Variants in GALNTL6 observed in about 807,000 individuals in gnomAD.
The protein encoded by GALNTL6 is polypeptide N-acetylgalactosaminyltransferase-like 6.
Under a neutral mutation model 73.7 loss-of-function variants are expected in GALNTL6, and 46 were observed. The observed-to-expected ratio is 0.62, with a 90% CI of 0.49 to 0.80. The LOEUF (loss-of-function observed/expected upper bound fraction) is 0.80, where lower values mean the gene tolerates loss of function less well. Among genes scored for constraint, GALNTL6 ranks in the 30% least tolerant of loss-of-function variants. GALNTL6 has a pLI of 0.00. For synonymous variants in GALNTL6, 259 were observed against 263.7 expected (o/e 0.98, Z 0.17); for missense variants, 604 against 755.0 (o/e 0.80, Z 2.34).
chr4:172,277,057 G>C (rs1738858149), intron 3 of GALNTL6, among the ~76,000 whole-genome samples: 1 of 151,918 alleles, frequency 6.6e-6, no homozygotes, highest in Non-Finnish European at 1.5e-5. Context: ...CTGAATCTCT[G>C]TTTTTGACAC....
At chr4:172,662,588 A>G (rs1008820738) in intron 5 of GALNTL6, among the ~76,000 whole-genome samples, 40 of 152,192 alleles carry the variant, frequency 2.6e-4, no homozygotes, top group African/African-American at 9.7e-4. Context: ...ACTGCATCAT[A>G]CTAAGCCTCT....
chr4:172,648,675 G>A (rs951919829), intron 5 of GALNTL6, among the ~76,000 whole-genome samples: 2 of 152,296 alleles, frequency 1.3e-5, no homozygotes, highest in Admixed American at 6.5e-5. Flanking sequence ...AGGAAGCCAG[G>A]TGTAGCTGTA....
At chr4:172,549,661 C>G (rs1735888612) in intron 5 of GALNTL6, among the ~76,000 whole-genome samples, 1 of 151,656 alleles carries the variant, frequency 6.6e-6, no homozygotes, top group African/African-American at 2.4e-5. Context: ...CCAAAATGTT[C>G]TCTTCACAGT....
chr4:172,248,782 C>T (rs574569315), intron 3 of GALNTL6, among the ~76,000 whole-genome samples: 2 of 152,246 alleles, frequency 1.3e-5, no homozygotes, highest in African/African-American at 4.8e-5. Flanking sequence ...CTTCCCCCTT[C>T]ACTTGGTTCT....
At chr4:171,916,382 C>G (rs535553264) in intron 2 of GALNTL6, among the ~76,000 whole-genome samples, 1 of 152,048 alleles carries the variant, frequency 6.6e-6, no homozygotes, top group Non-Finnish European at 1.5e-5. Context: ...GCTTTCACAG[C>G]TTCATGTTGG....
intron 2 of GALNTL6, among the ~76,000 whole-genome samples, chr4:172,150,240 C>T (rs1034118210): frequency 6.6e-6 from 1 of 152,120 alleles, no homozygotes; most frequent in African/African-American, 2.4e-5. Context: ...TACTCAATGT[C>T]TGCTATAAAT....
At chr4:171,842,165 A>G (rs1412536610) in intron 2 of GALNTL6, among the ~76,000 whole-genome samples, 1 of 152,126 alleles carries the variant, frequency 6.6e-6, no homozygotes, top group Non-Finnish European at 1.5e-5. Context: ...TATCTTACTT[A>G]CATTTGTTAT....
intron 5 of GALNTL6, among the ~76,000 whole-genome samples, chr4:172,536,336 C>T (rs1231990005): frequency 2.0e-5 from 3 of 152,134 alleles, no homozygotes; most frequent in Non-Finnish European, 2.9e-5. Flanking sequence ...AGGTAACAAT[C>T]AGAGGTTGGA....
chr4:172,424,181 A>G lies in GALNTL6; in HGVS notation c.553+75492A>G, dbSNP rs575514584. Among the ~76,000 whole-genome samples the G allele has an allele frequency of 4.5e-4, 68 of 152,226 alleles. 1 individual carries two copies. The South Asian group carries it at 0.014, about 31-fold the overall frequency. Reference sequence around the variant, plus strand: ...CACCACATACTAAGAACATTCAACTATGCACTGAATTTTAACTTGTAAATT... The same window carrying G: ...CACCACATACTAAGAACATTCAACTGTGCACTGAATTTTAACTTGTAAATT... On this transcript the variant is annotated intron_variant, in intron 5 of 12. Transcript: ENST00000506823.
intron 5 of GALNTL6, among the ~76,000 whole-genome samples, chr4:172,721,052 C>T (rs947381652): frequency 2.0e-5 from 3 of 152,140 alleles, no homozygotes; most frequent in South Asian, 2.1e-4. Flanking sequence ...TCTCTATGTT[C>T]GGGAACTATA....
intron 5 of GALNTL6, among the ~76,000 whole-genome samples, chr4:172,708,242 G>C (rs1734482732): frequency 6.6e-6 from 1 of 152,142 alleles, no homozygotes. Flanking sequence ...GAAACGTGGA[G>C]TTTTGCTATG....
At chr4:172,960,448 G>A (rs1217998416) in intron 10 of GALNTL6, among the ~76,000 whole-genome samples, 3 of 152,172 alleles carry the variant, frequency 2.0e-5, no homozygotes, top group African/African-American at 7.2e-5. Flanking sequence ...TTGGGACCTG[G>A]CTCAGCCTGG....
intron 5 of GALNTL6, among the ~76,000 whole-genome samples, chr4:172,693,869 C>A (rs1412437765): frequency 2.9e-4 from 44 of 152,146 alleles, no homozygotes; most frequent in Admixed American, 2.8e-3. Flanking sequence ...AATGATGAAC[C>A]CTCTGTGGCT....
intron 5 of GALNTL6, among the ~76,000 whole-genome samples, chr4:172,719,079 T>C (rs753685239): frequency 6.6e-6 from 1 of 152,196 alleles, no homozygotes; most frequent in Non-Finnish European, 1.5e-5. Context: ...GAGTTACCCT[T>C]GTAGGTTAAT....
intron 5 of GALNTL6, among the ~76,000 whole-genome samples, chr4:172,748,873 A>T: frequency 6.7e-6 from 1 of 148,334 alleles, no homozygotes; most frequent in South Asian, 2.2e-4. Flanking sequence ...ATATACACAT[A>T]TTTTCTTTTG....
At chr4:172,767,374 A>C (rs17058876) in intron 5 of GALNTL6, among the ~76,000 whole-genome samples, 72,898 of 151,966 alleles carry the variant, frequency 0.48, 18,316 homozygotes, top group African/African-American at 0.63. Flanking sequence ...GCAAGCCTTG[A>C]AGAAATAAAA....
intron 2 of GALNTL6, among the ~76,000 whole-genome samples, chr4:172,134,199 C>A (rs1163573598): frequency 6.6e-6 from 1 of 151,910 alleles, no homozygotes; most frequent in Non-Finnish European, 1.5e-5. Context: ...CTGGCTAACT[C>A]GGTGAAACCC....
chr4:172,990,367 G>C (rs1401318245), intron 10 of GALNTL6, among the ~76,000 whole-genome samples: 2 of 152,078 alleles, frequency 1.3e-5, no homozygotes, highest in East Asian at 3.9e-4. Flanking sequence ...ATTGTTAAAA[G>C]CTATAAATAG....
At chr4:172,777,188 C>A (rs1739120338) in intron 5 of GALNTL6, among the ~76,000 whole-genome samples, 1 of 152,168 alleles carries the variant, frequency 6.6e-6, no homozygotes, top group Admixed American at 6.6e-5. Context: ...TTTTTAAATG[C>A]TCCCCCCCAA....
Sources: allele counts gnomAD v4.1 joint callset (sites outside exome capture counted in the v4.1 genomes callset), GRCh38; gene constraint gnomAD v4.1.1; transcripts MANE v1.5; gene names NCBI Gene and HGNC (gene_info 2026-07-23, HGNC 2026-07-21).